INTS7: variants seen among roughly 807,000 people sequenced by gnomAD.
INTS7 encodes integrator complex subunit 7, also known as chromosome 1 open reading frame 73.
A neutral mutation model predicts 109.2 loss-of-function variants in INTS7; 46 were observed. The ratio of observed to expected loss-of-function variants is 0.42; its 90% CI spans 0.33 to 0.54. The LOEUF (loss-of-function observed/expected upper bound fraction) is 0.54. Among genes scored for constraint, INTS7 ranks in the 20% least tolerant of loss-of-function variants. The probability of loss-of-function intolerance (pLI) is 0.07; values close to 1 mark genes in which losing one functional copy is unlikely to be tolerated. For missense variants in INTS7, 929 were observed against 1,132.4 expected (o/e 0.82, Z 2.58); for synonymous variants, 412 against 402.9 (o/e 1.02, Z -0.27).
chr1:212,017,511 G>A (rs1666493713), intron 3 of INTS7, among the ~76,000 whole-genome samples: 1 of 152,216 alleles, frequency 6.6e-6, no homozygotes, highest in South Asian at 2.1e-4. Flanking sequence ...AGCAGTGGTT[G>A]AGGACGCCCC....
In INTS7 at chr1:212,012,267, G is replaced by A. The variant is rs150115193; in HGVS notation, c.510-846C>T. Among the ~76,000 whole-genome samples the A allele has an allele frequency of 5.2e-3, 796 of 152,072 alleles. 10 individuals carry two copies. Among genetic ancestry groups the A allele is most frequent in the African/African-American group, 0.019 (769 of 41,466 alleles). On this transcript the variant is annotated intron_variant, in intron 4 of 19. Coordinates refer to ENST00000366994, the MANE Select transcript of INTS7 (RefSeq NM_015434.4). The stretch of plus-strand genomic sequence containing the variant: ...CAAATGTGGTTATGGTAGGAGATTG[G>A]GGGGGGAGGGGGCGGAGAACAGGAT...
chr1:211,956,016 T>C (rs1186424882), intron 16 of INTS7, among the ~76,000 whole-genome samples: 2 of 152,252 alleles, frequency 1.3e-5, no homozygotes, highest in Non-Finnish European at 2.9e-5. Context: ...ATTTGCTTTT[T>C]ATCTCTGTAC....
At chr1:212,027,433 T>C (rs1206630030) in intron 1 of INTS7, among the ~76,000 whole-genome samples, 1 of 152,128 alleles carries the variant, frequency 6.6e-6, no homozygotes, top group Non-Finnish European at 1.5e-5. Flanking sequence ...AGGAGGGATG[T>C]GATTGCTATA....
intron 13 of INTS7, 58 bp from the exon 14 acceptor site, chr1:211,968,765 G>A: frequency 7.4e-7 from 1 of 1,355,904 alleles, no homozygotes; most frequent in Non-Finnish European, 1.0e-6. Flanking sequence ...AGTGAGATGG[G>A]GCAGTACCAA....
intron 13 of INTS7, among the ~76,000 whole-genome samples, chr1:211,969,378 T>C (rs1278796034): frequency 6.6e-6 from 1 of 151,790 alleles, no homozygotes; most frequent in East Asian, 1.9e-4. Context: ...GCTACCTTCC[T>C]AATCTGAAAT....
chr1:211,941,631 G>A lies in INTS7; in HGVS notation c.*193C>T. 1.4e-6 allele frequency: 1 copy of A among 708,726 alleles called. No homozygotes were observed. The highest frequency in any genetic ancestry group is 2.0e-5 in the South Asian group (1 of 51,042). The allele number at this position is 708,726 out of a possible 1,614,324, so 43.9% of individuals were successfully genotyped here. On this transcript the variant is annotated 3_prime_UTR_variant, in exon 20 of 20. Transcript: ENST00000366994. ...AGCCTCCCAAAGTGCTGGGATTACA[G>A]GCGTGAGCAACCACGCCCAGCTGTC...
In INTS7 at chr1:211,968,526, C is replaced by G. The variant is rs755209712; in HGVS notation, c.1997G>C (p.Arg666Pro). ...TLGNDLQRCG[R>P]ISNQMKQSME... Reference sequence around the variant, plus strand: ...GTTAAGACATGCCTGATTGGAGATGCGACCACACCTCTGGAGGTCATTTCC... The same window carrying G: ...GTTAAGACATGCCTGATTGGAGATGGGACCACACCTCTGGAGGTCATTTCC... The change falls in exon 14 of 20, where the codon CGC (arginine) becomes CCC (proline). Residue 666 changes from arginine to proline, a missense_variant. By Grantham distance (103) the Arg-to-Pro change is moderately radical (BLOSUM62 -2). Around this residue, in one of 2 missense-constraint regions of INTS7, gnomAD observed 787 missense variants for 901.1 expected, o/e 0.87. Coordinates refer to ENST00000366994, the MANE Select transcript of INTS7 (RefSeq NM_015434.4). 4.3e-6 allele frequency: 7 copies of G among 1,611,388 alleles called. No homozygotes were observed. Among genetic ancestry groups the G allele is most frequent in the South Asian group, 2.2e-5 (2 of 90,650 alleles).
At chr1:211,950,784 C>G (rs1179932727) in intron 17 of INTS7, among the ~76,000 whole-genome samples, 1 of 152,234 alleles carries the variant, frequency 6.6e-6, no homozygotes, top group Non-Finnish European at 1.5e-5. Context: ...GCCCTTTTCT[C>G]TGTACTGTGT....
At chr1:211,966,536 GA>G in intron 15 of INTS7, 38 bp from the exon 16 acceptor site, 1 of 1,289,620 alleles carries the variant, frequency 7.8e-7, no homozygotes, top group South Asian at 1.2e-5. Flanking sequence ...AAATAGAGAA[GA>G]AACCCGCTAT....
At chr1:211,987,804 T>C (rs1474441356) in intron 8 of INTS7, 82 bp downstream of exon 8, 2 of 748,564 alleles carry the variant, frequency 2.7e-6, no homozygotes, top group South Asian at 2.2e-5. Context: ...GTTAAAGCTT[T>C]ATAGAAGAAA....
In INTS7 at chr1:212,021,216, T is replaced by C. The variant is rs780397321; in HGVS notation, c.95-4A>G. On this transcript the variant is annotated splice_region_variant and splice_polypyrimidine_tract_variant and intron_variant, in intron 1 of 19. Coordinates refer to ENST00000366994, the MANE Select transcript of INTS7 (RefSeq NM_015434.4). ...CCAAGTTTGCCAGATCTTAGGCCTA[T>C]GGAAAAAAAAAAGCACAGAGAGGGA... The C allele has an allele frequency of 3.0e-5, 47 of 1,582,498 alleles. No individual in the cohort carries two copies. The highest frequency in any genetic ancestry group is 3.9e-5 in the Non-Finnish European group (46 of 1,170,498).
intron 7 of INTS7, among the ~76,000 whole-genome samples, chr1:212,004,272 G>A (rs1404992670): frequency 2.0e-5 from 3 of 152,106 alleles, no homozygotes; most frequent in Non-Finnish European, 2.9e-5. Flanking sequence ...AACCCTGGAG[G>A]CAGAGGTTGC....
intron 1 of INTS7, among the ~76,000 whole-genome samples, chr1:212,031,379 T>G (rs1209173721): frequency 6.6e-6 from 1 of 152,230 alleles, no homozygotes; most frequent in East Asian, 1.9e-4. Context: ...TATTGCCAAT[T>G]ATGTATAGTA....
At chr1:211,987,778 GATTT>G (rs1664958230) in intron 8 of INTS7, 104 bp downstream of exon 8, 1 of 565,862 alleles carries the variant, frequency 1.8e-6, no homozygotes, top group Admixed American at 3.1e-5. Context: ...TGGAGTATGA[GATTT>G]TTTTCCCTGA....
chr1:211,973,529 T>G (rs1056519905), intron 13 of INTS7, among the ~76,000 whole-genome samples: 1 of 152,210 alleles, frequency 6.6e-6, no homozygotes, highest in Non-Finnish European at 1.5e-5. Flanking sequence ...CTGTACGATC[T>G]CAGGTATGGA....
intron 4 of INTS7, among the ~76,000 whole-genome samples, chr1:212,014,465 CAAA>C (rs1165612101): frequency 0.02 from 552 of 28,006 alleles, no homozygotes; most frequent in African/African-American, 0.071. Flanking sequence ...AACTCCATCT[CAAA>C]AAAAAAAAAA....
chr1:212,002,717 C>A (rs530144024), intron 7 of INTS7, among the ~76,000 whole-genome samples: 1 of 152,376 alleles, frequency 6.6e-6, no homozygotes, highest in East Asian at 1.9e-4. Context: ...GCAACCTCCA[C>A]CTTCCATATT....
At chr1:212,013,726 A>T (rs1666266962) in intron 4 of INTS7, among the ~76,000 whole-genome samples, 1 of 152,188 alleles carries the variant, frequency 6.6e-6, no homozygotes, top group Admixed American at 6.5e-5. Context: ...TTCTATGTTT[A>T]GATATACATA....
chr1:211,989,555 C>A (rs1212127631), intron 7 of INTS7, among the ~76,000 whole-genome samples: 1 of 152,116 alleles, frequency 6.6e-6, no homozygotes, highest in African/African-American at 2.4e-5. Flanking sequence ...GGCACAGTGG[C>A]TCACGTCTGT....
Sources: allele counts gnomAD v4.1 joint callset (sites outside exome capture counted in the v4.1 genomes callset), GRCh38; gene constraint gnomAD v4.1.1; regional missense constraint gnomAD v4.1.1; transcripts MANE v1.5; gene names NCBI Gene and HGNC (gene_info 2026-07-23, HGNC 2026-07-21).